DNAJB1: variants seen among roughly 807,000 people sequenced by gnomAD.
DNAJB1 encodes DnaJ heat shock protein family (Hsp40) member B1.
DNAJB1 carries 14 observed loss-of-function variants against 24.0 expected under a neutral mutation model. The observed-to-expected ratio is 0.58, with a 90% CI of 0.39 to 0.91. The LOEUF (loss-of-function observed/expected upper bound fraction) is 0.91. Among genes scored for constraint, DNAJB1 ranks in the 40% least tolerant of loss-of-function variants. DNAJB1 has a pLI of 0.00. For missense variants in DNAJB1, 517 were observed against 458.1 expected, an observed-to-expected ratio of 1.13 and a Z score of -1.17; for synonymous variants, 262 against 174.4, an observed-to-expected ratio of 1.50 and a Z score of -3.96.
At chr19:14,529,912 A>C (rs2072558335), upstream of DNAJB1, 2 of 740,500 alleles carry the variant, frequency 2.7e-6, no homozygotes, top group South Asian at 3.5e-5. Context: ...TAAATCTGCA[A>C]CCCAGGCTGT....
At chr19:14,532,907 C>T (rs113340694), upstream of DNAJB1, among the ~76,000 whole-genome samples, 3,007 of 150,000 alleles carry the variant, frequency 0.02, 84 homozygotes, top group African/African-American at 0.065. Context: ...GTCAGGAGTT[C>T]GAGACCAGCC....
chr19:14,517,981 G>GCCAATCCGC (rs1372284291), intron 1 of DNAJB1, 158 bp downstream of exon 1: 3 of 758,340 alleles, frequency 4.0e-6, no homozygotes, highest in Non-Finnish European at 5.7e-6. Flanking sequence ...CCGCGCGGCC[G>GCCAATCCGC]CCAATCCGAG....
At chr19:14,546,769 C>T (rs972957899) in intron 1 of DNAJB1, among the ~76,000 whole-genome samples, 1 of 152,186 alleles carries the variant, frequency 6.6e-6, no homozygotes, top group Non-Finnish European at 1.5e-5. Flanking sequence ...GCTGCAACCT[C>T]CACCTCTGAG....
At chr19:14,522,691 C>CACAG (rs1284727397), upstream of DNAJB1, among the ~76,000 whole-genome samples, 8 of 25,920 alleles carry the variant, frequency 3.1e-4, no homozygotes, top group South Asian at 2.6e-3. Flanking sequence ...CAGACACACA[C>CACAG]ACACACACAC....
intron 1 of DNAJB1, among the ~76,000 whole-genome samples, chr19:14,537,980 A>G (rs898065792): frequency 6.6e-6 from 1 of 152,108 alleles, no homozygotes; most frequent in African/African-American, 2.4e-5. Context: ...TCTTGACCTC[A>G]GGTGATCCGC....
chr19:14,536,130 G>C (rs182161117), intron 1 of DNAJB1, among the ~76,000 whole-genome samples: 1 of 152,132 alleles, frequency 6.6e-6, no homozygotes. Flanking sequence ...TCCCCTTTGG[G>C]TTGGGCAGTA....
intron 1 of DNAJB1, among the ~76,000 whole-genome samples, chr19:14,543,395 A>G (rs1331394992): frequency 1.6e-4 from 1 of 6,396 alleles, no homozygotes; most frequent in Non-Finnish European, 3.6e-4. Flanking sequence ...GAGAATATAT[A>G]TATATATATA....
upstream of DNAJB1, chr19:14,531,639 C>G (rs1027592665): frequency 6.6e-6 from 1 of 152,154 alleles, no homozygotes; most frequent in Admixed American, 6.6e-5. Flanking sequence ...TCAGGCTGGT[C>G]TCGAACTCCC....
At chr19:14,560,096 C>T (rs1189742504) in exon 1 of DNAJB1, among the ~76,000 whole-genome samples, 2 of 152,214 alleles carry the variant, frequency 1.3e-5, no homozygotes, top group Admixed American at 6.5e-5. Flanking sequence ...ACTGCTGCAG[C>T]TGTGAGCGTG....
intron 1 of DNAJB1, chr19:14,545,162 G>T: frequency 2.2e-6 from 1 of 456,724 alleles, no homozygotes; most frequent in South Asian, 1.5e-5. Context: ...GCATTCCAGC[G>T]ATTCCTCATT....
At chr19:14,550,111 G>T (rs79499193) in intron 1 of DNAJB1, among the ~76,000 whole-genome samples, 1 of 151,892 alleles carries the variant, frequency 6.6e-6, no homozygotes, top group Non-Finnish European at 1.5e-5. Context: ...AGTTCCATGC[G>T]AGCAGGGATT....
chr19:14,518,261 C>T lies in DNAJB1; in HGVS notation c.89G>A (p.Arg30His), dbSNP rs758991587. Residue 30 changes from arginine (R) to histidine (H), a missense_variant, in exon 1 of 3, where the codon CGC becomes CAC. Coordinates refer to ENST00000254322, the MANE Select transcript of DNAJB1 (RefSeq NM_006145.3). ...CTCCTTGTTCTTGTCCGGGTGGTAG[C>T]GCAGCGCCTGGCGGCGGTAGGCCCG... is the stretch of plus-strand genomic sequence containing the variant. ...IKRAYRRQAL[R>H]YHPDKNKEPG... 3 of 1,607,900 alleles carry T rather than the reference C, an allele frequency of 1.9e-6. No homozygotes were observed. Among genetic ancestry groups the T allele is most frequent in the African/African-American group, 2.7e-5 (2 of 74,386 alleles).
At chr19:14,523,588 A>C (rs532750490) in intron 2 of DNAJB1, among the ~76,000 whole-genome samples, 2 of 150,408 alleles carry the variant, frequency 1.3e-5, no homozygotes, top group African/African-American at 4.9e-5. Context: ...CTGGGATTAC[A>C]AGGGTTGAAC....
At chr19:14,544,298 C>G (rs2073227491) in intron 1 of DNAJB1, among the ~76,000 whole-genome samples, 1 of 152,028 alleles carries the variant, frequency 6.6e-6, no homozygotes, top group Non-Finnish European at 1.5e-5. Context: ...TGTGTAAGCC[C>G]CTGGCTCTCC....
rs1445858600 is a variant in DNAJB1 at position 14,514,908 on chromosome 19, C to T, written c.*1032G>A. On this transcript the variant is annotated 3_prime_UTR_variant, in exon 3 of 3. Transcript: ENST00000254322. ...GCCTCCAGGGAACAGACATTTGTTC[C>T]AACTCCCCTTCCCTCCCCAAGATTT... 2 of 152,650 alleles carry T rather than the reference C, an allele frequency of 1.3e-5. No individual in the cohort carries two copies. The highest frequency in any genetic ancestry group is 2.9e-5 in the Non-Finnish European group (2 of 68,078). 9.5% of individuals were successfully genotyped at this position (152,650 alleles called of 1,614,324 possible).
chr19:14,549,616 C>T (rs989154538), intron 1 of DNAJB1, among the ~76,000 whole-genome samples: 5 of 151,976 alleles, frequency 3.3e-5, no homozygotes, highest in South Asian at 2.1e-4. Flanking sequence ...CATGAGCCAG[C>T]GTACCTGACC....
upstream of DNAJB1, among the ~76,000 whole-genome samples, chr19:14,555,246 A>T (rs2073678485): frequency 6.6e-6 from 1 of 150,490 alleles, no homozygotes. Context: ...ACACCCAGCT[A>T]ATTTTTTATT....
rs779131041 is a variant in DNAJB1 at position 14,518,203 on chromosome 19, A to T, written c.147T>A (p.Ala49=). The T allele has an allele frequency of 1.2e-6, 2 of 1,609,436 alleles. No homozygotes were observed. The highest frequency in any genetic ancestry group is 2.7e-5 in the African/African-American group (2 of 74,538). ...PGAEEKFKEI[A]EAYDVLSDPR... is the part of the protein sequence containing the mutation. ...GGTCGCTGAGCACGTCGTAGGCCTC[A>T]GCGATCTCCTTGAACTTCTCCTCGG... Residue 49 remains alanine, a synonymous_variant, in exon 1 of 3, where the codon GCT becomes GCA. Coordinates refer to ENST00000254322, the MANE Select transcript of DNAJB1 (RefSeq NM_006145.3).
chr19:14,523,620 G>T (rs113552713), intron 2 of DNAJB1, among the ~76,000 whole-genome samples: 8,504 of 116,188 alleles, frequency 0.073, 832 homozygotes, highest in African/African-American at 0.24. Context: ...CCTTGTTTTT[G>T]TTTTTTTTTT....
Sources: allele counts gnomAD v4.1 joint callset (sites outside exome capture counted in the v4.1 genomes callset), GRCh38; gene constraint gnomAD v4.1.1; transcripts MANE v1.5; gene names NCBI Gene and HGNC (gene_info 2026-07-23, HGNC 2026-07-21).